THEMIS2: variants seen among roughly 807,000 people sequenced by gnomAD.
THEMIS2 encodes the protein thymocyte selection associated family member 2.
Under a neutral mutation model 46.8 loss-of-function variants are expected in THEMIS2, and 29 were observed. The observed-to-expected ratio is 0.62, with a 90% CI of 0.46 to 0.84. THEMIS2 has a LOEUF of 0.84. Among genes scored for constraint, THEMIS2 ranks in the 40% least tolerant of loss-of-function variants. The pLI, the probability that THEMIS2 is intolerant of heterozygous loss-of-function variation, is 0.00. For missense variants in THEMIS2, 698 were observed against 834.7 expected, an observed-to-expected ratio of 0.84 and a Z score of 2.02; for synonymous variants, 335 against 349.1, an observed-to-expected ratio of 0.96 and a Z score of 0.45.
intron 2 of THEMIS2, 32 bp downstream of exon 2, chr1:27,876,760 C>G (rs1482391430): frequency 3.1e-6 from 5 of 1,609,730 alleles, no homozygotes; most frequent in Non-Finnish European, 4.2e-6. Context: ...CCCCATGTGC[C>G]CTGGCACTCT....
intron 4 of THEMIS2, chr1:27,885,079 C>A (rs1571593824): frequency 5.8e-6 from 3 of 515,700 alleles, no homozygotes; most frequent in East Asian, 7.2e-5. Context: ...CAACCCCCAA[C>A]CCTATCCTCA....
At chr1:27,881,606 T>C (rs1165432079) in intron 3 of THEMIS2, among the ~76,000 whole-genome samples, 1 of 150,992 alleles carries the variant, frequency 6.6e-6, no homozygotes. Flanking sequence ...GGTGGGAGGA[T>C]CACCTGAGGA....
chr1:27,876,356 A>T (rs1405514266), intron 1 of THEMIS2, among the ~76,000 whole-genome samples: 1 of 152,020 alleles, frequency 6.6e-6, no homozygotes, highest in East Asian at 1.9e-4. Flanking sequence ...CGGGGATGTG[A>T]AAAAGGCCAG....
In THEMIS2 at chr1:27,881,982, A is replaced by G; in HGVS notation, c.658A>G (p.Ile220Val). The change falls in exon 4 of 6, where the codon ATT (isoleucine) becomes GTT (valine). Residue 220 changes from isoleucine (I) to valine (V), a missense_variant. Physicochemically the swap from Ile to Val is conservative, Grantham distance 29. Transcript: ENST00000373921. Reference protein sequence around the residue: ...IQAIMHMRRTIVKIPSTLEVD... With the variant: ...IQAIMHMRRTVVKIPSTLEVD... Reference sequence around the variant, plus strand: ...GCCCCTCTCCACAGTGCGCAGGACCATTGTCAAGATCCCTTCTACCCTGGA... The same window carrying G: ...GCCCCTCTCCACAGTGCGCAGGACCGTTGTCAAGATCCCTTCTACCCTGGA... 1.9e-6 allele frequency: 3 copies of G among 1,612,640 alleles called. No individual in the cohort carries two copies. The highest frequency in any genetic ancestry group is 1.1e-5 in the South Asian group (1 of 90,874).
Position 27,882,801 on chromosome 1 carries a change from G to C in THEMIS2, c.1477G>C (p.Glu493Gln), listed in dbSNP as rs1166731844. Reference protein sequence around the residue: ...EPFLVVSLDSEPGMCFEIPPR... With the variant: ...EPFLVVSLDSQPGMCFEIPPR... ...ATTCTTGGTGGTGAGCCTAGACTCTGAGCCTGGGATGTGCTTTGAGATCCC... is the reference window on the plus strand; with the variant it reads ...ATTCTTGGTGGTGAGCCTAGACTCTCAGCCTGGGATGTGCTTTGAGATCCC... Residue 493 changes from glutamate (E) to glutamine (Q), a missense_variant, in exon 4 of 6, where the codon GAG (glutamate) becomes CAG (glutamine). By Grantham distance (29) the Glu-to-Gln change is conservative. Coordinates refer to ENST00000373921, the MANE Select transcript of THEMIS2 (RefSeq NM_001105556.3). This position sits in a 1 kb window ranked among gnomAD's most constrained non-coding sequence, Gnocchi z 7.6. The C allele has an allele frequency of 1.2e-6, 2 of 1,613,916 alleles. No individual in the cohort carries two copies. Among genetic ancestry groups the C allele is most frequent in the Admixed American group, 1.7e-5 (1 of 59,994 alleles).
chr1:27,874,033 G>GTTGTTTTTTTTTTTTT (rs2089534331), intron 1 of THEMIS2, among the ~76,000 whole-genome samples: 1 of 97,164 alleles, frequency 1.0e-5, no homozygotes, highest in African/African-American at 5.2e-5. Context: ...TTCAACCTAG[G>GTTGTTTTTTTTTTTTT]TTTTTTTTTT....
intron 1 of THEMIS2, among the ~76,000 whole-genome samples, chr1:27,873,481 G>A (rs1361160661): frequency 6.6e-6 from 1 of 152,130 alleles, no homozygotes. Context: ...TCCTTAGAGA[G>A]CGAACTGAGG....
At chr1:27,881,898 C>T (rs2089684795) in intron 3 of THEMIS2, 73 bp from the exon 4 acceptor site, 2 of 1,285,522 alleles carry the variant, frequency 1.6e-6, no homozygotes, top group Non-Finnish European at 2.1e-6. Context: ...CCGGCCCAGC[C>T]AATGCTCTAT....
intron 3 of THEMIS2, among the ~76,000 whole-genome samples, chr1:27,880,880 C>T (rs1011346384): frequency 1.3e-5 from 2 of 151,914 alleles, no homozygotes; most frequent in African/African-American, 4.8e-5. Flanking sequence ...CAGGTTCAAG[C>T]GATTCTCTTG....
intron 4 of THEMIS2, 133 bp downstream of exon 4, chr1:27,883,176 T>C: frequency 1.3e-6 from 1 of 750,364 alleles, no homozygotes. Flanking sequence ...TTTGCACCCA[T>C]TATTCTCATT....
Position 27,886,005 on chromosome 1 carries a change from C to T in THEMIS2, c.*83C>T, listed in dbSNP as rs2089765323. 17 of 1,371,762 alleles carry T rather than the reference C, an allele frequency of 1.2e-5. No homozygotes were observed. The highest frequency in any genetic ancestry group is 2.9e-5 in the African/African-American group (2 of 69,352). The allele number at this position is 1,371,762 out of a possible 1,614,324, so 85.0% of individuals were successfully genotyped here. A position where few individuals can be genotyped will look rare whatever the true frequency, so the allele number is the denominator to read the frequency against. On this transcript the variant is annotated 3_prime_UTR_variant, in exon 6 of 6. Transcript: ENST00000373921. Reference sequence around the variant, plus strand: ...ACCATTTTAAGCCTCTAAAAGACCTCGGGCAAGTCTCACAGAAACTGAGCT... The same window carrying T: ...ACCATTTTAAGCCTCTAAAAGACCTTGGGCAAGTCTCACAGAAACTGAGCT...
Position 27,882,213 on chromosome 1 carries a change from C to G in THEMIS2, c.889C>G (p.Pro297Ala). Residue 297 changes from proline (P) to alanine (A), a missense_variant, in exon 4 of 6, where the codon CCA (proline) becomes GCA (alanine). Coordinates refer to ENST00000373921, the MANE Select transcript of THEMIS2 (RefSeq NM_001105556.3). This position sits in a 1 kb window ranked among gnomAD's most constrained non-coding sequence, Gnocchi z 7.6. The part of the protein sequence containing the change: ...QRLCVYGLAS[P>A]PWRVLASSKG... ...GCTTTGCGTCTATGGCCTAGCCTCA[C>G]CACCCTGGCGGGTCCTGGCCTCAAG... 1 of 1,610,690 alleles carries G rather than the reference C, an allele frequency of 6.2e-7. No individual in the cohort carries two copies. Among genetic ancestry groups the G allele is most frequent in the Non-Finnish European group, 8.5e-7 (1 of 1,177,728 alleles).
At chr1:27,885,596 G>A (rs907645790) in intron 5 of THEMIS2, 145 bp downstream of exon 5, 4 of 1,121,522 alleles carry the variant, frequency 3.6e-6, no homozygotes, top group Non-Finnish European at 4.9e-6. Context: ...GGTGGGCTCA[G>A]GTAGAAAGGT....
At chr1:27,879,405 A>C (rs1452986431) in intron 2 of THEMIS2, among the ~76,000 whole-genome samples, 2 of 151,972 alleles carry the variant, frequency 1.3e-5, no homozygotes, top group African/African-American at 4.8e-5. Flanking sequence ...CTCTGGTGAC[A>C]AGTCTCTCTC....
chr1:27,882,798 T>C lies in THEMIS2; in HGVS notation c.1474T>C (p.Ser492Pro). 6.2e-7 allele frequency: 1 copy of C among 1,613,788 alleles called. No individual in the cohort carries two copies. Among genetic ancestry groups the C allele is most frequent in the Non-Finnish European group, 8.5e-7 (1 of 1,179,840 alleles). ...GCCATTCTTGGTGGTGAGCCTAGAC[T>C]CTGAGCCTGGGATGTGCTTTGAGAT... Reference protein sequence around the residue: ...TEPFLVVSLDSEPGMCFEIPP... With the variant: ...TEPFLVVSLDPEPGMCFEIPP... The change falls in exon 4 of 6, where the codon TCT becomes CCT. Residue 492 changes from serine to proline, a missense_variant. By Grantham distance (74) the Ser-to-Pro change is moderately conservative. Transcript: ENST00000373921. This position sits in a 1 kb window ranked among gnomAD's most constrained non-coding sequence, Gnocchi z 7.6.
rs757823552 is a variant in THEMIS2 at position 27,883,014 on chromosome 1, A to T, written c.1690A>T (p.Arg564Trp). 1 of 1,613,494 alleles carries T rather than the reference A, an allele frequency of 6.2e-7. No individual in the cohort carries two copies. Residue 564 changes from arginine to tryptophan, a missense_variant, in exon 4 of 6, where the codon AGG becomes TGG. Physicochemically the swap from Arg to Trp is moderately radical, Grantham distance 101. Transcript: ENST00000373921. ...PPKNQGLSKQ[R>W]RHSSEGGVKS... ...TAAAAATCAGGGCCTCAGCAAGCAG[A>T]GGAGACACAGCAGTGAGGGAGGCGT...
chr1:27,876,759 C>T, intron 2 of THEMIS2, 31 bp downstream of exon 2: 1 of 1,609,620 alleles, frequency 6.2e-7, no homozygotes, highest in Non-Finnish European at 8.5e-7. Flanking sequence ...TCCCCATGTG[C>T]CCTGGCACTC....
In THEMIS2 at chr1:27,882,795, G is replaced by C. The variant is rs1413036892; in HGVS notation, c.1471G>C (p.Asp491His). Residue 491 changes from aspartate (D) to histidine (H), a missense_variant, in exon 4 of 6, where the codon GAC (aspartate) becomes CAC (histidine). Asp to His is a moderately conservative substitution (Grantham distance 81, BLOSUM62 -1). Transcript: ENST00000373921. The surrounding 1 kb of genome is among the most constrained non-coding windows in gnomAD (Gnocchi z 7.6). ...ITEPFLVVSL[D>H]SEPGMCFEIP... ...AGAGCCATTCTTGGTGGTGAGCCTAGACTCTGAGCCTGGGATGTGCTTTGA... is the reference window on the plus strand; with the variant it reads ...AGAGCCATTCTTGGTGGTGAGCCTACACTCTGAGCCTGGGATGTGCTTTGA... 6.2e-7 allele frequency: 1 copy of C among 1,613,836 alleles called. No homozygotes were observed. The highest frequency in any genetic ancestry group is 8.5e-7 in the Non-Finnish European group (1 of 1,179,860).
chr1:27,883,807 C>T (rs1039027071), intron 4 of THEMIS2: 2 of 152,322 alleles, frequency 1.3e-5, no homozygotes, highest in African/African-American at 4.8e-5. Flanking sequence ...CTCTACGTAG[C>T]TCAGGACAGG....
Sources: gnomAD v4.1 joint callset for allele counts (sites outside exome capture counted in the v4.1 genomes callset) on GRCh38, gnomAD v4.1.1 for gene constraint, Gnocchi (gnomAD v3.1) non-coding constraint, MANE v1.5 for transcripts, NCBI Gene and HGNC (gene_info 2026-07-23, HGNC 2026-07-21) for gene names.